The following ADAM29 variants were observed in gnomAD, a reference collection of about 807,000 sequenced individuals.
ADAM29 encodes the protein disintegrin and metalloproteinase domain-containing protein 29.
For missense variants in ADAM29, 969 were observed against 1,001.8 expected, an observed-to-expected ratio of 0.97 and a Z score of 0.44; for synonymous variants, 367 against 342.3, an observed-to-expected ratio of 1.07 and a Z score of -0.80.
intron 2 of ADAM29, among the ~76,000 whole-genome samples, chr4:174,927,163 A>G (rs563114002): frequency 1.5e-3 from 222 of 152,346 alleles, no homozygotes; most frequent in Admixed American, 2.5e-3. Flanking sequence ...AGGTGTTAGG[A>G]AATAGTACAG....
At chr4:174,939,230 T>C (rs991644955) in intron 4 of ADAM29, among the ~76,000 whole-genome samples, 26 of 152,322 alleles carry the variant, frequency 1.7e-4, no homozygotes, top group African/African-American at 6.0e-4. Context: ...AGCACTTCTT[T>C]TTTGATCATA....
chr4:174,944,673 C>A (rs997475836), intron 4 of ADAM29, among the ~76,000 whole-genome samples: 3 of 152,130 alleles, frequency 2.0e-5, no homozygotes, highest in Non-Finnish European at 2.9e-5. Context: ...CAATCCTTAT[C>A]CTTCTCCCAC....
intron 3 of ADAM29, among the ~76,000 whole-genome samples, chr4:174,935,899 T>C (rs985033478): frequency 6.6e-6 from 1 of 152,046 alleles, no homozygotes; most frequent in Non-Finnish European, 1.5e-5. Context: ...TCCAACAAGT[T>C]TGCTTACGAG....
chr4:174,960,686 ATCTT>A (rs1003475664), intron 4 of ADAM29, among the ~76,000 whole-genome samples: 2 of 152,138 alleles, frequency 1.3e-5, no homozygotes, highest in African/African-American at 4.8e-5. Context: ...TTCTATCACT[ATCTT>A]TCTCGTGCAT....
intron 4 of ADAM29, among the ~76,000 whole-genome samples, chr4:174,973,997 A>T (rs557276302): frequency 6.6e-6 from 1 of 152,340 alleles, no homozygotes; most frequent in Admixed American, 6.5e-5. Context: ...AAGGCAGATC[A>T]GTTAGCTAGT....
chr4:174,957,893 C>T (rs551876284), intron 4 of ADAM29, among the ~76,000 whole-genome samples: 1 of 151,738 alleles, frequency 6.6e-6, no homozygotes, highest in Non-Finnish European at 1.5e-5. Context: ...GGTGATGATG[C>T]CTGGATCTGA....
intron 4 of ADAM29, among the ~76,000 whole-genome samples, chr4:174,955,661 C>T (rs1745460660): frequency 6.6e-6 from 1 of 151,352 alleles, no homozygotes; most frequent in Non-Finnish European, 1.5e-5. Flanking sequence ...TGTAATTACA[C>T]TTAAGATCCC....
chr4:174,974,201 C>T (rs115506853), intron 4 of ADAM29, among the ~76,000 whole-genome samples: 77 of 152,318 alleles, frequency 5.1e-4, no homozygotes, highest in Non-Finnish European at 1.1e-3. Flanking sequence ...GGGGCTGGAG[C>T]AACTCCCCAT....
intron 4 of ADAM29, among the ~76,000 whole-genome samples, chr4:174,941,718 A>G (rs770603276): frequency 6.6e-6 from 1 of 151,990 alleles, no homozygotes; most frequent in Non-Finnish European, 1.5e-5. Flanking sequence ...AAACCATATC[A>G]CTCTACCCCT....
chr4:174,932,512 A>G (rs918527309), intron 3 of ADAM29, among the ~76,000 whole-genome samples: 11 of 152,168 alleles, frequency 7.2e-5, no homozygotes, highest in Admixed American at 6.5e-4. Context: ...TTACAAAGAC[A>G]TTAATCCCAT....
At chr4:174,960,817 G>A (rs1166616068) in intron 4 of ADAM29, among the ~76,000 whole-genome samples, 1 of 152,130 alleles carries the variant, frequency 6.6e-6, no homozygotes, top group Non-Finnish European at 1.5e-5. Flanking sequence ...CCAAAATGGT[G>A]TAACTTATAC....
In ADAM29 at chr4:174,976,774, A is replaced by C; in HGVS notation, c.1249A>C (p.Lys417Gln). ...EGEECDCGPLKHCAKDPCCLS... is the reference protein window; with the variant it reads ...EGEECDCGPLQHCAKDPCCLS... ...AGAAGAGTGTGACTGTGGACCTTTA[A>C]AGCATTGTGCAAAAGATCCCTGCTG... The change falls in exon 5 of 5, where the codon AAG becomes CAG. Residue 417 changes from lysine (K) to glutamine (Q), a missense_variant. Lys to Gln is a moderately conservative substitution (Grantham distance 53, BLOSUM62 1). Transcript: ENST00000359240. The C allele has an allele frequency of 6.2e-7, 1 of 1,614,130 alleles. No individual in the cohort carries two copies. The highest frequency in any genetic ancestry group is 1.1e-5 in the South Asian group (1 of 91,082).
At chr4:174,926,908 C>T (rs543215863) in intron 2 of ADAM29, among the ~76,000 whole-genome samples, 4 of 151,974 alleles carry the variant, frequency 2.6e-5, no homozygotes, top group Non-Finnish European at 5.9e-5. Context: ...ATATTGAGAA[C>T]TCTTAAAATT....
In ADAM29 at chr4:174,975,696, C is replaced by A; in HGVS notation, c.171C>A (p.Pro57=). ...TPPGWLSYIL[P]FGGQKHIIHI... Reference sequence around the variant, plus strand: ...CAGGCTGGCTCTCCTATATCCTGCCCTTTGGAGGCCAGAAACACATTATCC... The same window carrying A: ...CAGGCTGGCTCTCCTATATCCTGCCATTTGGAGGCCAGAAACACATTATCC... The change falls in exon 5 of 5, where the codon CCC becomes CCA. Residue 57 remains proline (P), a synonymous_variant. Transcript: ENST00000359240. 6.2e-7 allele frequency: 1 copy of A among 1,611,532 alleles called. No individual in the cohort carries two copies.
intron 4 of ADAM29, among the ~76,000 whole-genome samples, chr4:174,965,484 CATCTATCTATCTATCT>C (rs60063978): frequency 6.8e-6 from 1 of 147,202 alleles, no homozygotes; most frequent in Non-Finnish European, 1.5e-5. Flanking sequence ...CTCTATCTAT[CATCTATCTATCTATCT>C]ATCTATCTAT....
In ADAM29 at chr4:174,975,707, A is replaced by G. The variant is rs376686204; in HGVS notation, c.182A>G (p.Gln61Arg). The G allele has an allele frequency of 1.2e-5, 20 of 1,611,462 alleles. No homozygotes were observed. In the East Asian group the frequency reaches 2.5e-4, roughly 20 times the overall value. The change falls in exon 5 of 5, where the codon CAG (glutamine) becomes CGG (arginine). Residue 61 changes from glutamine to arginine, a missense_variant. Coordinates refer to ENST00000359240, the MANE Select transcript of ADAM29 (RefSeq NM_014269.4). The part of the protein sequence containing the change: ...WLSYILPFGG[Q>R]KHIIHIKVKK... The stretch of plus-strand genomic sequence containing the variant: ...TCCTATATCCTGCCCTTTGGAGGCC[A>G]GAAACACATTATCCACATAAAGGTC...
chr4:174,960,411 A>C (rs1745743451), intron 4 of ADAM29, among the ~76,000 whole-genome samples: 1 of 152,124 alleles, frequency 6.6e-6, no homozygotes, highest in Non-Finnish European at 1.5e-5. Context: ...ATTATTATCA[A>C]AGTATATTCA....
chr4:174,960,511 G>A (rs1745750664), intron 4 of ADAM29, among the ~76,000 whole-genome samples: 1 of 151,986 alleles, frequency 6.6e-6, no homozygotes, highest in Non-Finnish European at 1.5e-5. Context: ...GGAGTTTTCT[G>A]TATTTTTTAG....
chr4:174,936,661 C>G (rs1341506329), intron 3 of ADAM29, among the ~76,000 whole-genome samples: 1 of 151,924 alleles, frequency 6.6e-6, no homozygotes, highest in Non-Finnish European at 1.5e-5. Flanking sequence ...CTAAACGGTA[C>G]TATTTTTTTC....
Sources: gnomAD v4.1 joint callset for allele counts (sites outside exome capture counted in the v4.1 genomes callset) on GRCh38, gnomAD v4.1.1 for gene constraint, MANE v1.5 for transcripts, NCBI Gene and HGNC (gene_info 2026-07-23, HGNC 2026-07-21) for gene names.